Variants in DNAJA3 observed in about 807,000 individuals in gnomAD.
DNAJA3 encodes DnaJ heat shock protein family (Hsp40) member A3, also known as dnaJ homolog subfamily A member 3, mitochondrial.
Under a neutral mutation model 54.9 loss-of-function variants are expected in DNAJA3, and 29 were observed. That is an observed-to-expected ratio of 0.53 (90% CI 0.39 to 0.72). DNAJA3 has a LOEUF of 0.72. Among genes scored for constraint, DNAJA3 ranks in the 30% least tolerant of loss-of-function variants. DNAJA3 has a pLI of 0.00. For synonymous variants in DNAJA3, 302 were observed against 251.4 expected, an observed-to-expected ratio of 1.20 and a Z score of -1.90; for missense variants, 708 against 639.4, an observed-to-expected ratio of 1.11 and a Z score of -1.16.
At position 4,446,966 on chromosome 16, in the gene DNAJA3, T is replaced by TG; in HGVS notation, c.1082dup (p.Thr362TyrfsTer36). Reference sequence around the variant, plus strand: ...TTATTTCTATAGCTCAGGCTCTTCTTGGGGGTACAGCCAGAGCCCAGGGCC... The same window carrying TG: ...TTATTTCTATAGCTCAGGCTCTTCTTGGGGGGTACAGCCAGAGCCCAGGGCC... On this transcript the variant is annotated frameshift_variant, in exon 8 of 12. Coordinates refer to ENST00000262375, the MANE Select transcript of DNAJA3 (RefSeq NM_005147.6). LOFTEE classifies it high-confidence loss of function. 6.2e-7 allele frequency: 1 copy of TG among 1,614,098 alleles called. No individual in the cohort carries two copies. The highest frequency in any genetic ancestry group is 2.2e-5 in the East Asian group (1 of 44,888).
intron 4 of DNAJA3, 72 bp from the exon 5 acceptor site, chr16:4,442,196 T>A: frequency 3.4e-6 from 5 of 1,474,876 alleles, no homozygotes; most frequent in Non-Finnish European, 4.5e-6. Flanking sequence ...TACCCTCCTT[T>A]CCCTTTAGAG....
chr16:4,432,211 G>C (rs945099479), intron 1 of DNAJA3, among the ~76,000 whole-genome samples: 5 of 149,874 alleles, frequency 3.3e-5, no homozygotes, highest in Admixed American at 1.3e-4. Flanking sequence ...TTTTAATAGA[G>C]ACAGGGTCTC....
chr16:4,449,526 C>G (rs1233822536), intron 9 of DNAJA3: 3 of 150,636 alleles, frequency 2.0e-5, no homozygotes, highest in African/African-American at 7.3e-5. Flanking sequence ...ACTACAGGCG[C>G]TTACCACCAC....
chr16:4,449,751 AG>A (rs1567334164), intron 9 of DNAJA3: 2 of 151,578 alleles, frequency 1.3e-5, no homozygotes, highest in Non-Finnish European at 2.9e-5. Flanking sequence ...GTGGGTACCT[AG>A]GGCGGGACAT....
chr16:4,445,775 CCCCAGGGCTCAAAT>C (rs1165038210), intron 7 of DNAJA3, among the ~76,000 whole-genome samples: 1 of 151,974 alleles, frequency 6.6e-6, no homozygotes, highest in African/African-American at 2.4e-5. Context: ...TGGTCTCAAA[CCCCAGGGCTCAAAT>C]GATCCACCCA....
rs374007904 is a variant in DNAJA3, at chr16:4,441,431, C to T, written c.486C>T (p.Phe162=). Residue 162 remains phenylalanine (F), a synonymous_variant, in exon 4 of 12, where the codon TTC becomes TTT. Coordinates refer to ENST00000262375, the MANE Select transcript of DNAJA3 (RefSeq NM_005147.6). The stretch of plus-strand genomic sequence containing the variant: ...ACGATGCCTACGGCTCTGCAGGCTT[C>T]GATCCTGGGGCCAGCGGCTCCCAGC... ...KQYDAYGSAG[F]DPGASGSQHS... 5.5e-5 allele frequency: 88 copies of T among 1,614,132 alleles called. No individual in the cohort carries two copies. In the East Asian group the frequency reaches 6.7e-4, roughly 12 times the overall value.
At chr16:4,434,979 C>G (rs979864461) in intron 2 of DNAJA3, among the ~76,000 whole-genome samples, 2 of 147,436 alleles carry the variant, frequency 1.4e-5, no homozygotes, top group African/African-American at 5.1e-5. Flanking sequence ...TCACTGCAAC[C>G]TCTGCCTCCT....
intron 10 of DNAJA3, among the ~76,000 whole-genome samples, chr16:4,450,930 A>C (rs1254032811): frequency 2.0e-5 from 3 of 152,154 alleles, no homozygotes; most frequent in Non-Finnish European, 2.9e-5. Flanking sequence ...AGTGTCTTAA[A>C]ACAACAGCAG....
chr16:4,453,045 A>T (rs1054268400), intron 10 of DNAJA3, among the ~76,000 whole-genome samples: 4 of 152,186 alleles, frequency 2.6e-5, no homozygotes, highest in African/African-American at 9.7e-5. Context: ...TAAGAACTTA[A>T]GCAACAGTGG....
intron 1 of DNAJA3, among the ~76,000 whole-genome samples, chr16:4,432,582 TC>T (rs1379328491): frequency 1.3e-5 from 2 of 151,944 alleles, no homozygotes; most frequent in African/African-American, 4.8e-5. Context: ...CCTCAGGTGA[TC>T]CGCCCGCCTT....
intron 9 of DNAJA3, among the ~76,000 whole-genome samples, chr16:4,449,145 T>C (rs956295858): frequency 2.6e-4 from 40 of 151,924 alleles, no homozygotes; most frequent in African/African-American, 8.2e-4. Flanking sequence ...TACAGGTGCC[T>C]GCCACCATGC....
intron 1 of DNAJA3, among the ~76,000 whole-genome samples, chr16:4,432,176 G>A (rs1384822348): frequency 6.7e-6 from 1 of 148,500 alleles, no homozygotes; most frequent in East Asian, 2.0e-4. Context: ...ATAAGTTCAA[G>A]TCTTTGATCC....
At chr16:4,434,275 T>C (rs753248872) in intron 1 of DNAJA3, 109 bp from the exon 2 acceptor site, 1 of 1,278,072 alleles carries the variant, frequency 7.8e-7, no homozygotes, top group Non-Finnish European at 1.1e-6. Context: ...AGCCAAACCT[T>C]ATCAGTTTGT....
chr16:4,451,259 T>C (rs963599081), intron 10 of DNAJA3, among the ~76,000 whole-genome samples: 3 of 152,156 alleles, frequency 2.0e-5, no homozygotes, highest in Non-Finnish European at 4.4e-5. Flanking sequence ...TTGTTTTTGT[T>C]TGGATCCTGG....
At chr16:4,451,752 GAAAAAAAAAAA>G (rs57814611) in intron 10 of DNAJA3, among the ~76,000 whole-genome samples, 3 of 41,844 alleles carry the variant, frequency 7.2e-5, no homozygotes, top group Admixed American at 3.1e-4. Flanking sequence ...GAGACTCTCT[GAAAAAAAAAAA>G]AAAAAAAAAA....
In DNAJA3 at chr16:4,443,027, A is replaced by G. The variant is rs370873962; in HGVS notation, c.794A>G (p.Asn265Ser). 1.9e-6 allele frequency: 3 copies of G among 1,614,066 alleles called. No homozygotes were observed. The highest frequency in any genetic ancestry group is 2.5e-6 in the Non-Finnish European group (3 of 1,179,998). The change falls in exon 6 of 12, where the codon AAC becomes AGC. Residue 265 changes from asparagine (N) to serine (S), a missense_variant. Asn to Ser is a conservative substitution (Grantham distance 46). Coordinates refer to ENST00000262375, the MANE Select transcript of DNAJA3 (RefSeq NM_005147.6). The stretch of plus-strand genomic sequence containing the variant: ...TCTTGTTTTTATCAGGAAACCATCA[A>G]CACAGGCCCTTTTGTGATGCGTTCC... ...YCGGSGMETI[N>S]TGPFVMRSTC... is the part of the protein sequence containing the mutation.
chr16:4,428,950 A>G (rs1003335943), intron 1 of DNAJA3, among the ~76,000 whole-genome samples: 9 of 134,634 alleles, frequency 6.7e-5, no homozygotes, highest in Non-Finnish European at 1.2e-4. Context: ...GTGCAGTGGC[A>G]CGATCTCGGC....
chr16:4,444,631 G>A, intron 6 of DNAJA3, 33 bp from the exon 7 acceptor site: 3 of 1,606,838 alleles, frequency 1.9e-6, no homozygotes, highest in Non-Finnish European at 2.6e-6. Flanking sequence ...ACCGCGTCCT[G>A]CCTAACTTCT....
At chr16:4,451,752 GAAAAAAAAAAAA>G (rs57814611) in intron 10 of DNAJA3, among the ~76,000 whole-genome samples, 2 of 41,844 alleles carry the variant, frequency 4.8e-5, no homozygotes, top group Admixed American at 3.1e-4. Flanking sequence ...GAGACTCTCT[GAAAAAAAAAAAA>G]AAAAAAAAAA....
Sources: allele counts gnomAD v4.1 joint callset (sites outside exome capture counted in the v4.1 genomes callset), GRCh38; gene constraint gnomAD v4.1.1; transcripts MANE v1.5; gene names NCBI Gene and HGNC (gene_info 2026-07-23, HGNC 2026-07-21).